Variants in FUT9 observed in about 807,000 individuals in gnomAD.
FUT9 encodes 4-galactosyl-N-acetylglucosaminide 3-alpha-L-fucosyltransferase 9.
Under a neutral mutation model 29.7 loss-of-function variants are expected in FUT9, and 15 were observed. That is an observed-to-expected ratio of 0.51 (90% CI 0.34 to 0.78). FUT9 has a LOEUF of 0.78. FUT9 is among the 30% of genes least tolerant of loss of function. The probability of loss-of-function intolerance (pLI) is 0.01; values close to 1 mark genes in which losing one functional copy is unlikely to be tolerated. For synonymous variants in FUT9, 169 were observed against 153.7 expected (o/e 1.10, Z -0.74); for missense variants, 319 against 425.4 (o/e 0.75, Z 2.20).
intron 2 of FUT9, among the ~76,000 whole-genome samples, chr6:96,120,269 C>CTTTTTTTTTTTTTTTTTTT (rs11347804): frequency 6.6e-5 from 6 of 91,472 alleles, no homozygotes; most frequent in Middle Eastern, 8.2e-3. Flanking sequence ...TTTTTTCTTT[C>CTTTTTTTTTTTTTTTTTTT]TTTTTTTTTT....
chr6:96,054,624 C>A (rs1332020942), intron 1 of FUT9, among the ~76,000 whole-genome samples: 2 of 152,078 alleles, frequency 1.3e-5, no homozygotes, highest in African/African-American at 4.8e-5. Context: ...TGCAATGTAG[C>A]AGATAGATTC....
At chr6:96,106,109 C>G (rs1027270477) in intron 1 of FUT9, among the ~76,000 whole-genome samples, 7 of 151,032 alleles carry the variant, frequency 4.6e-5, no homozygotes, top group Non-Finnish European at 8.9e-5. Flanking sequence ...TCTTACTACC[C>G]CTAGAGTTCT....
At chr6:96,111,528 C>T (rs1156442276) in intron 1 of FUT9, among the ~76,000 whole-genome samples, 1 of 142,010 alleles carries the variant, frequency 7.0e-6, no homozygotes, top group Non-Finnish European at 1.5e-5. Flanking sequence ...AAATTATAAC[C>T]ATGATTTGGG....
intron 1 of FUT9, among the ~76,000 whole-genome samples, chr6:96,059,764 A>T (rs1411050927): frequency 6.6e-6 from 1 of 152,202 alleles, no homozygotes; most frequent in Non-Finnish European, 1.5e-5. Flanking sequence ...GTACAGAAAA[A>T]TGTTATCCCT....
rs568872634 is a variant in FUT9, at chr6:96,059,702, T to C, written c.-98+43490T>C. Among the ~76,000 whole-genome samples the C allele has an allele frequency of 5.3e-5, 8 of 152,318 alleles. No homozygotes were observed. In the South Asian group the frequency reaches 1.7e-3, roughly 32 times the overall value. ...AGATGACTAATTTTTAGTGCTTGTT[T>C]TGAATTTAGTTTGTGGAATGATTTC... On this transcript the variant is annotated intron_variant, in intron 1 of 2. Coordinates refer to ENST00000302103, the MANE Select transcript of FUT9 (RefSeq NM_006581.4).
At chr6:96,103,550 G>A (rs750802565) in intron 1 of FUT9, among the ~76,000 whole-genome samples, 4 of 152,074 alleles carry the variant, frequency 2.6e-5, no homozygotes, top group South Asian at 2.1e-4. Context: ...GGCTTTCTCC[G>A]ATGGCTCCAA....
chr6:96,204,714 A>G lies in FUT9; in HGVS notation c.*479A>G, dbSNP rs890583828. On this transcript the variant is annotated 3_prime_UTR_variant, in exon 3 of 3. Coordinates refer to ENST00000302103, the MANE Select transcript of FUT9 (RefSeq NM_006581.4). Reference sequence around the variant, plus strand: ...CTAACCTCTTTGACTCCGAAGATGAATGAAGTGTATAACTGTCTCTATTTG... The same window carrying G: ...CTAACCTCTTTGACTCCGAAGATGAGTGAAGTGTATAACTGTCTCTATTTG... The G allele has an allele frequency of 1.2e-5, 2 of 166,942 alleles. No individual in the cohort carries two copies. Among genetic ancestry groups the G allele is most frequent in the Non-Finnish European group, 2.9e-5 (2 of 68,140 alleles). The allele number at this position is 166,942 out of a possible 1,614,324, so 10.3% of individuals were successfully genotyped here. A position where few individuals can be genotyped will look rare whatever the true frequency, so the allele number is the denominator to read the frequency against.
chr6:96,201,491 C>A (rs9391059), intron 2 of FUT9, among the ~76,000 whole-genome samples: 26,694 of 151,510 alleles, frequency 0.18, 2,651 homozygotes, highest in Admixed American at 0.25. Context: ...ATTTTTTTAG[C>A]ATTTTACCAT....
chr6:96,212,277 T>C lies in FUT9; in HGVS notation c.*8042T>C, dbSNP rs1460335928. The C allele has an allele frequency of 7.3e-6, 3 of 412,596 alleles. No homozygotes were observed. Among genetic ancestry groups the C allele is most frequent in the Non-Finnish European group, 1.3e-5 (3 of 225,616 alleles). 25.6% of individuals were successfully genotyped at this position (412,596 alleles called of 1,614,324 possible). A position where few individuals can be genotyped will look rare whatever the true frequency, so the allele number is the denominator to read the frequency against. On this transcript the variant is annotated 3_prime_UTR_variant, in exon 3 of 3. Transcript: ENST00000302103. ...GATGCCATCCTTGTCCAAGGTGAGA[T>C]TGCCAGAGGATATGAGCTCATCTAG...
intron 2 of FUT9, among the ~76,000 whole-genome samples, chr6:96,193,169 A>G (rs1481189031): frequency 1.3e-3 from 67 of 52,506 alleles, no homozygotes; most frequent in African/African-American, 2.9e-3. Context: ...TAAAACACCA[A>G]AAGCAATGGC....
At position 96,211,668 on chromosome 6, in the gene FUT9, G is replaced by C. The variant is rs187097714; in HGVS notation, c.*7433G>C. On this transcript the variant is annotated 3_prime_UTR_variant, in exon 3 of 3. Transcript: ENST00000302103. ...TAATTGCATAATAAATAGCTTTGAC[G>C]TGAATAATCTCAGTTGTTCAAGTGT... 1 of 167,942 alleles carries C rather than the reference G, an allele frequency of 6.0e-6. No individual in the cohort carries two copies. Among genetic ancestry groups the C allele is most frequent in the African/African-American group, 2.4e-5 (1 of 41,422 alleles). 10.4% of individuals were successfully genotyped at this position (167,942 alleles called of 1,614,324 possible). A position where few individuals can be genotyped will look rare whatever the true frequency, so the allele number is the denominator to read the frequency against.
At chr6:96,082,223 T>C (rs4598084) in intron 1 of FUT9, among the ~76,000 whole-genome samples, 102,858 of 151,564 alleles carry the variant, frequency 0.68, 36,562 homozygotes, top group East Asian at 0.84. Flanking sequence ...TTAGCAGAAA[T>C]TTTTCAACCC....
chr6:96,214,771 G>C lies in FUT9; in HGVS notation c.*10536G>C, dbSNP rs1400230146. 2 of 166,928 alleles carry C rather than the reference G, an allele frequency of 1.2e-5. No individual in the cohort carries two copies. The highest frequency in any genetic ancestry group is 2.9e-5 in the Non-Finnish European group (2 of 68,046). The allele number at this position is 166,928 out of a possible 1,614,324, so 10.3% of individuals were successfully genotyped here. ...ATGACAGTAAGCATTTACACTGTTG[G>C]AAGGTAATTTCATTGCTATGTTATT... On this transcript the variant is annotated 3_prime_UTR_variant, in exon 3 of 3. Coordinates refer to ENST00000302103, the MANE Select transcript of FUT9 (RefSeq NM_006581.4).
At chr6:96,071,690 A>G (rs1176476230) in intron 1 of FUT9, among the ~76,000 whole-genome samples, 1 of 152,214 alleles carries the variant, frequency 6.6e-6, no homozygotes. Context: ...CATTTTTAAA[A>G]ATTGTCACTA....
chr6:96,056,808 A>G (rs530121910), intron 1 of FUT9, among the ~76,000 whole-genome samples: 1 of 152,310 alleles, frequency 6.6e-6, no homozygotes, highest in Admixed American at 6.5e-5. Context: ...ACCACTGAAT[A>G]CGATAATTAT....
intron 2 of FUT9, among the ~76,000 whole-genome samples, chr6:96,124,480 A>G (rs920347701): frequency 6.6e-6 from 1 of 152,106 alleles, no homozygotes; most frequent in Admixed American, 6.5e-5. Context: ...CCATGCTTAC[A>G]TAGATTAGTG....
At chr6:96,185,945 A>G (rs890327999) in intron 2 of FUT9, among the ~76,000 whole-genome samples, 1 of 152,074 alleles carries the variant, frequency 6.6e-6, no homozygotes, top group African/African-American at 2.4e-5. Context: ...CCGATATAAG[A>G]AAAATCCTCC....
chr6:96,208,886 G>C lies in FUT9; in HGVS notation c.*4651G>C, dbSNP rs1442992169. On this transcript the variant is annotated 3_prime_UTR_variant, in exon 3 of 3. Transcript: ENST00000302103. ...ACTTCATTCCATTGTATTGCAATCAGTCAATTAAGGTGATTTTTTTTTTCT... is the reference window on the plus strand; with the variant it reads ...ACTTCATTCCATTGTATTGCAATCACTCAATTAAGGTGATTTTTTTTTTCT... The C allele has an allele frequency of 1.2e-5, 1 of 83,800 alleles. No individual in the cohort carries two copies. Among genetic ancestry groups the C allele is most frequent in the East Asian group, 5.4e-4 (1 of 1,842 alleles). The allele number at this position is 83,800 out of a possible 1,614,324, so 5.2% of individuals were successfully genotyped here.
intron 1 of FUT9, among the ~76,000 whole-genome samples, chr6:96,026,060 C>T (rs778789687): frequency 4.1e-4 from 62 of 151,730 alleles, no homozygotes; most frequent in Non-Finnish European, 8.4e-4. Flanking sequence ...CTCTTTGTTC[C>T]AGAAGATACT....
Sources: gnomAD v4.1 joint callset for allele counts (sites outside exome capture counted in the v4.1 genomes callset) on GRCh38, gnomAD v4.1.1 for gene constraint, MANE v1.5 for transcripts, NCBI Gene and HGNC (gene_info 2026-07-23, HGNC 2026-07-21) for gene names.